Variants in DNASE1 observed in about 807,000 individuals in gnomAD.
The protein encoded by DNASE1 is deoxyribonuclease-1.
Under a neutral mutation model 33.9 loss-of-function variants are expected in DNASE1, and 40 were observed. The ratio of observed to expected loss-of-function variants is 1.18; its 90% CI spans 0.92 to 1.54. DNASE1 has a LOEUF of 1.54. Ranked by LOEUF, DNASE1 falls within the 40% of genes most tolerant of loss-of-function variation. The pLI is 0.00. For synonymous variants in DNASE1, 216 were observed against 160.0 expected, an observed-to-expected ratio of 1.35 and a Z score of -2.64; for missense variants, 518 against 372.6, an observed-to-expected ratio of 1.39 and a Z score of -3.21.
chr16:3,631,808 C>G (rs2041710335), intron 1 of DNASE1, among the ~76,000 whole-genome samples: 1 of 152,224 alleles, frequency 6.6e-6, no homozygotes, highest in Admixed American at 6.5e-5. Context: ...CAGGCATGAG[C>G]CACTGTACCC....
intron 1 of DNASE1, among the ~76,000 whole-genome samples, chr16:3,617,292 C>T (rs148812655): frequency 0.011 from 1,450 of 133,898 alleles, 17 homozygotes; most frequent in Non-Finnish European, 0.013. Flanking sequence ...CACCACTACG[C>T]TCCAGCCTAG....
At chr16:3,630,046 T>C (rs567610077) in intron 1 of DNASE1, among the ~76,000 whole-genome samples, 3 of 152,320 alleles carry the variant, frequency 2.0e-5, no homozygotes, top group South Asian at 4.1e-4. Flanking sequence ...CTCAAAATCC[T>C]AACCGCAGGT....
At chr16:3,654,213 C>T (rs2042452733), upstream of DNASE1, 2 of 397,220 alleles carry the variant, frequency 5.0e-6, no homozygotes, top group Non-Finnish European at 8.9e-6. Context: ...CTCGGGATCC[C>T]CTGGGCCTAA....
intron 1 of DNASE1, among the ~76,000 whole-genome samples, chr16:3,627,868 A>C (rs112209747): frequency 2.9e-4 from 44 of 150,802 alleles, no homozygotes; most frequent in African/African-American, 1.0e-3. Context: ...TTTCTTTTTC[A>C]ACATGGTGTT....
intron 1 of DNASE1, among the ~76,000 whole-genome samples, chr16:3,646,184 C>G (rs2042167426): frequency 6.6e-6 from 1 of 152,094 alleles, no homozygotes. Context: ...CCTGCAGTGT[C>G]CACTGTGCTG....
rs767180872 is a variant in DNASE1, at chr16:3,657,842, C to CATGAGGATGGGACACAGGAGCTCAGGT, written c.801+28_802-36dup. 12 of 1,614,036 alleles carry CATGAGGATGGGACACAGGAGCTCAGGT rather than the reference C, an allele frequency of 7.4e-6. No homozygotes were observed. In the African/African-American group the frequency reaches 1.1e-4, roughly 14 times the overall value. The stretch of plus-strand genomic sequence containing the variant: ...GTATGTGTCCTCCCTTGCACAGCCA[C>CATGAGGATGGGACACAGGAGCTCAGGT]ATGAGGATGGGACACAGGAGCTCAG... On this transcript the variant is annotated intron_variant, in intron 8 of 8. Coordinates refer to ENST00000246949, the MANE Select transcript of DNASE1 (RefSeq NM_005223.4).
chr16:3,618,924 A>G (rs1596553693), intron 1 of DNASE1, among the ~76,000 whole-genome samples: 1 of 151,956 alleles, frequency 6.6e-6, no homozygotes, highest in Non-Finnish European at 1.5e-5. Context: ...TGGCACAATC[A>G]TGACTCATGG....
At chr16:3,612,593 G>A (rs1228505180) in intron 1 of DNASE1, among the ~76,000 whole-genome samples, 1 of 143,330 alleles carries the variant, frequency 7.0e-6, no homozygotes, top group African/African-American at 2.6e-5. Flanking sequence ...GGTGGGGGCG[G>A]GGGGGGGAGT....
At chr16:3,662,715 C>G (rs1424384907), downstream of DNASE1, 3 of 716,378 alleles carry the variant, frequency 4.2e-6, no homozygotes, top group Non-Finnish European at 7.5e-6. Flanking sequence ...AGCGGCACTC[C>G]CGAGCAACAC....
chr16:3,611,819 CGA>C (rs1227361076), exon 1 of DNASE1: 1 of 152,228 alleles, frequency 6.6e-6, no homozygotes, highest in East Asian at 1.9e-4. Context: ...AGAGTTAGGG[CGA>C]GTTTAAGGCA....
At position 3,621,963 on chromosome 16, in the gene DNASE1, G is replaced by A. The variant is rs1057247806; in HGVS notation, c.-1359+9957G>A. Among the ~76,000 whole-genome samples, 11 of 152,318 alleles carry A rather than the reference G, an allele frequency of 7.2e-5. No individual in the cohort carries two copies. In the East Asian group the frequency reaches 1.9e-3, roughly 27 times the overall value. On this transcript the variant is annotated intron_variant and NMD_transcript_variant, in intron 1 of 11. Coordinates refer to the DNASE1 transcript ENST00000570769. ...TGGCCAGGCGTGGTGGCTCATGCCT[G>A]TAATGCCAGTACTTTGGGAGACCGA...
exon 10 of DNASE1, chr16:3,663,455 G>A: frequency 6.2e-7 from 1 of 1,614,156 alleles, no homozygotes; most frequent in South Asian, 1.1e-5. Flanking sequence ...TCTCCTCCTT[G>A]TAGTGATCCA....
chr16:3,627,327 G>A (rs1229683798), intron 1 of DNASE1, among the ~76,000 whole-genome samples: 1 of 150,626 alleles, frequency 6.6e-6, no homozygotes, highest in Non-Finnish European at 1.5e-5. Context: ...CCTGGCTGGA[G>A]TGCAGTGGCA....
intron 1 of DNASE1, among the ~76,000 whole-genome samples, chr16:3,626,014 C>G (rs1179350189): frequency 6.6e-6 from 1 of 152,116 alleles, no homozygotes; most frequent in Admixed American, 6.6e-5. Context: ...GTGGGAAGAT[C>G]ACTTGAGCCT....
At chr16:3,616,031 G>A (rs888699967) in intron 1 of DNASE1, among the ~76,000 whole-genome samples, 5 of 152,208 alleles carry the variant, frequency 3.3e-5, no homozygotes, top group African/African-American at 9.7e-5. Context: ...TTTATTTACT[G>A]TTGTATAGTC....
At chr16:3,616,436 C>T (rs908881998) in intron 1 of DNASE1, among the ~76,000 whole-genome samples, 2 of 150,682 alleles carry the variant, frequency 1.3e-5, no homozygotes, top group East Asian at 3.9e-4. Flanking sequence ...GCCTGACCAA[C>T]ATGGTGAAAC....
chr16:3,661,855 C>T, downstream of DNASE1: 5 of 1,221,570 alleles, frequency 4.1e-6, no homozygotes, highest in Non-Finnish European at 4.4e-6. Flanking sequence ...CTGCATACAG[C>T]TCCTTATAGT....
In DNASE1 at chr16:3,657,080, ACCTGGATGT is replaced by A; in HGVS notation, c.521_529del (p.Leu174_Val176del). ...GAGATCGACGCTCTCTATGACGTCT[ACCTGGATGT>A]CCAAGAGAAATGGGGCTTGGAGGTG... On this transcript the variant is annotated inframe_deletion, in exon 6 of 9. Transcript: ENST00000246949. 5 of 1,614,082 alleles carry A rather than the reference ACCTGGATGT, an allele frequency of 3.1e-6. No homozygotes were observed. The highest frequency in any genetic ancestry group is 2.5e-6 in the Non-Finnish European group (3 of 1,180,014).
At chr16:3,659,486 C>A (rs2042938374), downstream of DNASE1, 1 of 152,092 alleles carries the variant, frequency 6.6e-6, no homozygotes, top group African/African-American at 2.4e-5. Context: ...AAACCACAAA[C>A]CAAAAAGTAA....
Sources: gnomAD v4.1 joint callset for allele counts (sites outside exome capture counted in the v4.1 genomes callset) on GRCh38, gnomAD v4.1.1 for gene constraint, MANE v1.5 for transcripts, NCBI Gene and HGNC (gene_info 2026-07-23, HGNC 2026-07-21) for gene names.